ZNF609: variants seen among roughly 807,000 people sequenced by gnomAD.
ZNF609 encodes the protein zinc finger protein 609.
Under a neutral mutation model 109.5 loss-of-function variants are expected in ZNF609, and 11 were observed. That is an observed-to-expected ratio of 0.10 (90% CI 0.06 to 0.17). The LOEUF (loss-of-function observed/expected upper bound fraction) is 0.17. ZNF609 is among the 10% of genes least tolerant of loss of function. The pLI is 1.00. For missense variants in ZNF609, 1,559 were observed against 1,772.4 expected, an observed-to-expected ratio of 0.88 and a Z score of 2.16; for synonymous variants, 646 against 662.0, an observed-to-expected ratio of 0.98 and a Z score of 0.37.
chr15:64,476,027 A>T (rs1026555341), intron 1 of ZNF609, among the ~76,000 whole-genome samples: 5 of 152,334 alleles, frequency 3.3e-5, no homozygotes, highest in Middle Eastern at 3.4e-3. Context: ...CCTTTACTGC[A>T]TATGACTGTA....
chr15:64,543,392 T>C (rs112373180), intron 2 of ZNF609, among the ~76,000 whole-genome samples: 3,144 of 151,272 alleles, frequency 0.021, 124 homozygotes, highest in African/African-American at 0.069. Flanking sequence ...TTTGTGTATA[T>C]ATACTTTTTT....
intron 2 of ZNF609, chr15:64,528,866 A>AT: frequency 1.1e-6 from 1 of 921,892 alleles, no homozygotes; most frequent in Non-Finnish European, 1.8e-6. Context: ...GATGCTCTTG[A>AT]GGGGGCCCTC....
chr15:64,569,489 T>C (rs1296232707), intron 2 of ZNF609, among the ~76,000 whole-genome samples: 5 of 152,258 alleles, frequency 3.3e-5, no homozygotes, highest in African/African-American at 1.2e-4. Context: ...CCTCATGCTC[T>C]TTCCCCAAGG....
At chr15:64,477,614 T>C (rs1403191033) in intron 1 of ZNF609, among the ~76,000 whole-genome samples, 3 of 142,802 alleles carry the variant, frequency 2.1e-5, no homozygotes, top group Non-Finnish European at 4.5e-5. Flanking sequence ...GAATGGAATG[T>C]CTTATTTCCT....
chr15:64,513,825 C>T (rs1020961401), intron 2 of ZNF609, among the ~76,000 whole-genome samples: 17 of 152,256 alleles, frequency 1.1e-4, no homozygotes, highest in Admixed American at 9.1e-4. Context: ...GGCAAGGTGG[C>T]TTACACCTGT....
intron 3 of ZNF609, among the ~76,000 whole-genome samples, chr15:64,668,851 G>T (rs1020496067): frequency 1.3e-5 from 2 of 150,638 alleles, no homozygotes; most frequent in African/African-American, 4.9e-5. Flanking sequence ...TACTTGGGAG[G>T]CTGAGGCGGA....
At chr15:64,529,887 C>T (rs1014901720) in intron 2 of ZNF609, among the ~76,000 whole-genome samples, 4 of 152,154 alleles carry the variant, frequency 2.6e-5, no homozygotes, top group African/African-American at 4.8e-5. Flanking sequence ...TGCGTCACCA[C>T]GCCTGGCTAA....
At chr15:64,639,559 A>G (rs995145035) in intron 3 of ZNF609, among the ~76,000 whole-genome samples, 1 of 152,082 alleles carries the variant, frequency 6.6e-6, no homozygotes, top group Non-Finnish European at 1.5e-5. Flanking sequence ...TCTGTGTCCA[A>G]ATTGCTCCAT....
At chr15:64,608,847 T>G (rs911733273) in intron 2 of ZNF609, among the ~76,000 whole-genome samples, 2 of 151,864 alleles carry the variant, frequency 1.3e-5, no homozygotes, top group African/African-American at 4.8e-5. Context: ...CAAGCGATCC[T>G]CCCACCTCAG....
chr15:64,648,139 G>T (rs919799083), intron 3 of ZNF609, among the ~76,000 whole-genome samples: 1 of 152,040 alleles, frequency 6.6e-6, no homozygotes, highest in Non-Finnish European at 1.5e-5. Flanking sequence ...CCGAAAATAC[G>T]AGCTCCTGAG....
chr15:64,632,398 G>A (rs867191017), intron 3 of ZNF609, among the ~76,000 whole-genome samples: 1 of 152,074 alleles, frequency 6.6e-6, no homozygotes, highest in Non-Finnish European at 1.5e-5. Context: ...AACAATATTT[G>A]TGAGGCATGA....
At chr15:64,491,475 C>G (rs888340226) in intron 1 of ZNF609, among the ~76,000 whole-genome samples, 1 of 152,184 alleles carries the variant, frequency 6.6e-6, no homozygotes, top group African/African-American at 2.4e-5. Context: ...AGTTTATATT[C>G]AAAGACAGTT....
intron 3 of ZNF609, among the ~76,000 whole-genome samples, chr15:64,646,634 CAAAAAA>C (rs1180524819): frequency 2.3e-4 from 7 of 30,692 alleles, no homozygotes; most frequent in African/African-American, 9.9e-4. Context: ...GACTCCATCT[CAAAAAA>C]AAAAAAAAAA....
intron 2 of ZNF609, among the ~76,000 whole-genome samples, chr15:64,525,896 C>T (rs1055569739): frequency 6.6e-6 from 1 of 151,722 alleles, no homozygotes; most frequent in African/African-American, 2.4e-5. Flanking sequence ...TCAAGCGATT[C>T]TCCTGTTTCA....
intron 1 of ZNF609, among the ~76,000 whole-genome samples, chr15:64,473,841 C>G (rs1893127453): frequency 6.6e-6 from 1 of 152,058 alleles, no homozygotes; most frequent in African/African-American, 2.4e-5. Context: ...GTGGCGTGAT[C>G]TCGGCTCACT....
In ZNF609 at chr15:64,581,659, G is replaced by A. The variant is rs1482669539; in HGVS notation, c.748-41168G>A. 2.0e-5 allele frequency among the ~76,000 whole-genome samples: 3 copies of A among 152,118 alleles called. No homozygotes were observed. The South Asian group carries it at 6.2e-4, about 31-fold the overall frequency. On this transcript the variant is annotated intron_variant, in intron 2 of 9. Transcript: ENST00000326648. ...CCCTGTTCTGCCCCATCTAGTGATT[G>A]TCAAGCTGCTGCTTTTTCACTGTGA...
chr15:64,567,637 T>C (rs1230493882), intron 2 of ZNF609, among the ~76,000 whole-genome samples: 1 of 152,068 alleles, frequency 6.6e-6, no homozygotes, highest in Non-Finnish European at 1.5e-5. Flanking sequence ...GGCAAGATAT[T>C]TTCCCCCTCC....
chr15:64,493,249 GTT>G (rs1373993697), intron 1 of ZNF609, among the ~76,000 whole-genome samples: 2 of 152,050 alleles, frequency 1.3e-5, no homozygotes, highest in Non-Finnish European at 2.9e-5. Flanking sequence ...TCCAGTTGCT[GTT>G]TTTGCCCTCT....
At chr15:64,656,449 C>A (rs985742849) in intron 3 of ZNF609, among the ~76,000 whole-genome samples, 1 of 152,144 alleles carries the variant, frequency 6.6e-6, no homozygotes, top group Admixed American at 6.6e-5. Flanking sequence ...AGTATTAGAT[C>A]AGCTTTTTCC....
Sources: gnomAD v4.1 joint callset for allele counts (sites outside exome capture counted in the v4.1 genomes callset) on GRCh38, gnomAD v4.1.1 for gene constraint, MANE v1.5 for transcripts, NCBI Gene and HGNC (gene_info 2026-07-23, HGNC 2026-07-21) for gene names.